The following DNAH10 variants were observed in gnomAD, a reference collection of about 807,000 sequenced individuals.
DNAH10 encodes the protein axonemal beta dynein heavy chain 10.
DNAH10 carries 348 observed loss-of-function variants against 506.6 expected under a neutral mutation model. The ratio of observed to expected loss-of-function variants is 0.69; its 90% CI spans 0.63 to 0.75. The LOEUF (loss-of-function observed/expected upper bound fraction) is 0.75. DNAH10 is among the 30% of genes least tolerant of loss of function. The probability of loss-of-function intolerance (pLI) is 0.00; values close to 1 mark genes in which losing one functional copy is unlikely to be tolerated. For missense variants in DNAH10, 5,179 were observed against 5,787.1 expected, an observed-to-expected ratio of 0.89 and a Z score of 3.41; for synonymous variants, 2,059 against 2,198.6, an observed-to-expected ratio of 0.94 and a Z score of 1.78.
intron 9 of DNAH10, 67 bp downstream of exon 9, chr12:123,786,003 C>T (rs1957837661): frequency 2.0e-6 from 3 of 1,480,114 alleles, no homozygotes; most frequent in African/African-American, 2.8e-5. Flanking sequence ...AGATCTTAAA[C>T]AGCTCTATTG....
Position 123,914,340 on chromosome 12 carries a change from A to G in DNAH10, c.10364A>G (p.Asp3455Gly), listed in dbSNP as rs1213947008. The G allele has an allele frequency of 1.9e-6, 3 of 1,612,656 alleles. No homozygotes were observed. The highest frequency in any genetic ancestry group is 2.2e-5 in the South Asian group (2 of 91,056). Residue 3455 changes from aspartate to glycine, a missense_variant, in exon 61 of 79, where the codon GAC becomes GGC. By Grantham distance (94) the Asp-to-Gly change is moderately conservative (BLOSUM62 -1). Coordinates refer to ENST00000673944, the MANE Select transcript of DNAH10 (RefSeq NM_001372106.1). ...TCCTCCCGTGCCAGGTGGCTGAACG[A>G]CCTGGATGAGCTGATGCACCGGCGC... is the stretch of plus-strand genomic sequence containing the variant. ...LGSENIRWLN[D>G]LDELMHRRVK...
rs1007787364 is a variant in DNAH10, at chr12:123,935,686, T to C, written c.*205T>C. On this transcript the variant is annotated 3_prime_UTR_variant, in exon 79 of 79. Coordinates refer to ENST00000673944, the MANE Select transcript of DNAH10 (RefSeq NM_001372106.1). Reference sequence around the variant, plus strand: ...AATACTACTTTTTAAAAGGAATTTATATAATCAAAAAGTAAATATTGGAGA... The same window carrying C: ...AATACTACTTTTTAAAAGGAATTTACATAATCAAAAAGTAAATATTGGAGA... The C allele has an allele frequency of 2.1e-6, 1 of 483,802 alleles. No homozygotes were observed. 30.0% of individuals were successfully genotyped at this position (483,802 alleles called of 1,614,324 possible).
chr12:123,853,373 C>T lies in DNAH10; in HGVS notation c.6438+21C>T. 1.2e-6 allele frequency: 2 copies of T among 1,604,656 alleles called. No individual in the cohort carries two copies. Among genetic ancestry groups the T allele is most frequent in the East Asian group, 2.2e-5 (1 of 44,666 alleles). On this transcript the variant is annotated intron_variant, in intron 36 of 78. Transcript: ENST00000673944. The surrounding 1 kb of genome is among the most constrained non-coding windows in gnomAD (Gnocchi z 4.7). ...GGGAGGTAGGGGCCACGTGCTGGAACATTCTCTGGTTTCAGCTGCTTCAGG... is the reference window on the plus strand; with the variant it reads ...GGGAGGTAGGGGCCACGTGCTGGAATATTCTCTGGTTTCAGCTGCTTCAGG...
rs572380310 is a variant in DNAH10 at position 123,843,831 on chromosome 12, G to A, written c.5361-1769G>A. On this transcript the variant is annotated intron_variant, in intron 30 of 78. Transcript: ENST00000673944. ...GACCTCAGGTGATCTGCCGGCCTCG[G>A]CCTCCCAAAGCGCTGGGATTACAGG... 7.9e-4 allele frequency among the ~76,000 whole-genome samples: 121 copies of A among 152,340 alleles called. 1 individual carries two copies. Among genetic ancestry groups the A allele is most frequent in the Non-Finnish European group, 2.8e-4 (19 of 68,032 alleles).
intron 8 of DNAH10, among the ~76,000 whole-genome samples, chr12:123,784,861 C>T (rs905183800): frequency 6.6e-6 from 1 of 152,198 alleles, no homozygotes; most frequent in Non-Finnish European, 1.5e-5. Context: ...GTCTCTTTCA[C>T]TCAGCACCAG....
At chr12:123,777,254 C>T (rs1957475625) in intron 5 of DNAH10, among the ~76,000 whole-genome samples, 1 of 152,052 alleles carries the variant, frequency 6.6e-6, no homozygotes, top group Non-Finnish European at 1.5e-5. Context: ...GGTGGAACAA[C>T]CAAGGGAGGG....
chr12:123,833,405 T>A, intron 27 of DNAH10, 58 bp downstream of exon 27: 3 of 1,347,070 alleles, frequency 2.2e-6, no homozygotes, highest in Non-Finnish European at 3.1e-6. Flanking sequence ...GTGGCTTTTA[T>A]ATGAGGATAT....
In DNAH10 at chr12:123,815,210, G is replaced by T. The variant is rs187492974; in HGVS notation, c.3780+1298G>T. Among the ~76,000 whole-genome samples the T allele has an allele frequency of 3.8e-4, 58 of 152,104 alleles. 1 individual carries two copies. The highest frequency in any genetic ancestry group is 1.3e-3 in the African/African-American group (54 of 41,494). On this transcript the variant is annotated intron_variant, in intron 21 of 78. Coordinates refer to ENST00000673944, the MANE Select transcript of DNAH10 (RefSeq NM_001372106.1). ...TTATTTAGGTCTTTAATGTCTCCCCGTAAAGATTTATAATTTTCCCCATAG... is the reference window on the plus strand; with the variant it reads ...TTATTTAGGTCTTTAATGTCTCCCCTTAAAGATTTATAATTTTCCCCATAG...
At chr12:123,776,114 A>AC (rs1957428225) in intron 5 of DNAH10, among the ~76,000 whole-genome samples, 1 of 152,102 alleles carries the variant, frequency 6.6e-6, no homozygotes, top group South Asian at 2.1e-4. Flanking sequence ...CTCTCCCATG[A>AC]CACGTGGGGA....
rs1188186006 is a variant in DNAH10, at chr12:123,830,529, TGC to T, written c.4392-16_4392-15del. 1.2e-6 allele frequency: 2 copies of T among 1,608,392 alleles called. No homozygotes were observed. Among genetic ancestry groups the T allele is most frequent in the Non-Finnish European group, 1.7e-6 (2 of 1,176,784 alleles). On this transcript the variant is annotated splice_polypyrimidine_tract_variant and intron_variant, in intron 25 of 78. Coordinates refer to ENST00000673944, the MANE Select transcript of DNAH10 (RefSeq NM_001372106.1). ...AATTCAGTAAGCATAAAGATTTGAA[TGC>T]TGATGTGCTTTCAGGCATTGGAAAG...
At position 123,818,895 on chromosome 12, in the gene DNAH10, A is replaced by G. The variant is rs1401692779; in HGVS notation, c.3781-55A>G. 4.7e-6 allele frequency: 6 copies of G among 1,270,212 alleles called. No homozygotes were observed. The East Asian group carries it at 1.3e-4, about 27-fold the overall frequency. The allele number at this position is 1,270,212 out of a possible 1,614,324, so 78.7% of individuals were successfully genotyped here. A position where few individuals can be genotyped will look rare whatever the true frequency, so the allele number is the denominator to read the frequency against. ...GAGGTAACTTTGACCATCAATTTCA[A>G]TTCCAAATTGCTCATCATTTGTTGT... On this transcript the variant is annotated intron_variant, in intron 21 of 78. Transcript: ENST00000673944.
chr12:123,812,225 G>A (rs1262884035), intron 19 of DNAH10, among the ~76,000 whole-genome samples: 1 of 152,090 alleles, frequency 6.6e-6, no homozygotes, highest in Non-Finnish European at 1.5e-5. Flanking sequence ...GCCGAGGTGG[G>A]CGGATCACGA....
rs751585798 is a variant in DNAH10 at position 123,929,729 on chromosome 12, G to T, written c.12582G>T (p.Pro4194=). 2 of 1,613,314 alleles carry T rather than the reference G, an allele frequency of 1.2e-6. No individual in the cohort carries two copies. Among genetic ancestry groups the T allele is most frequent in the Non-Finnish European group, 1.7e-6 (2 of 1,179,658 alleles). ...TCCAGCAACGGGACCCAAGGATCCC[G>T]TGGGGCAGCCTCAAGTACCTAATTG... The part of the protein sequence containing the change: ...KAFQQRDPRI[P]WGSLKYLIGE... The change falls in exon 72 of 79, where the codon CCG becomes CCT. Residue 4194 remains proline, a synonymous_variant. Coordinates refer to ENST00000673944, the MANE Select transcript of DNAH10 (RefSeq NM_001372106.1).
intron 5 of DNAH10, among the ~76,000 whole-genome samples, 184 bp downstream of exon 5, chr12:123,774,448 A>G (rs981130942): frequency 1.3e-5 from 2 of 152,192 alleles, no homozygotes; most frequent in Admixed American, 1.3e-4. Context: ...AAAGACACAC[A>G]CACAGAAATA....
Position 123,781,186 on chromosome 12 carries a change from C to G in DNAH10, c.728C>G (p.Pro243Arg), listed in dbSNP as rs1323039564. 1 of 1,614,056 alleles carries G rather than the reference C, an allele frequency of 6.2e-7. No homozygotes were observed. The highest frequency in any genetic ancestry group is 2.2e-5 in the East Asian group (1 of 44,876). ...TCTGAGCATGAATCAGACCTGCCGC[C>G]CATGCCTGGGGAGGCAGTAGAATAT... ...NSSEHESDLPPMPGEAVEYHS... is the reference protein window; with the variant it reads ...NSSEHESDLPRMPGEAVEYHS... The change falls in exon 6 of 79, where the codon CCC becomes CGC. Residue 243 changes from proline (P) to arginine (R), a missense_variant. Pro to Arg is a moderately radical substitution (Grantham distance 103). Coordinates refer to ENST00000673944, the MANE Select transcript of DNAH10 (RefSeq NM_001372106.1).
intron 52 of DNAH10, among the ~76,000 whole-genome samples, chr12:123,888,745 C>T (rs999897551): frequency 6.6e-6 from 1 of 152,180 alleles, no homozygotes; most frequent in African/African-American, 2.4e-5. Flanking sequence ...CCTACCTTAT[C>T]CAAGGGCACC....
intron 32 of DNAH10, among the ~76,000 whole-genome samples, chr12:123,847,194 G>C (rs1374698815): frequency 4.7e-5 from 6 of 127,444 alleles, no homozygotes; most frequent in Non-Finnish European, 7.1e-5. Context: ...ATCCATCCAT[G>C]TATCTATCCA....
At chr12:123,796,178 C>A (rs561452371) in intron 12 of DNAH10, among the ~76,000 whole-genome samples, 3 of 152,092 alleles carry the variant, frequency 2.0e-5, no homozygotes, top group African/African-American at 7.2e-5. Flanking sequence ...TTACTACAGC[C>A]GGGCTCGGTG....
chr12:123,931,621 G>GT lies in DNAH10; in HGVS notation c.12917-14dup, dbSNP rs759582639. 3.8e-5 allele frequency: 61 copies of GT among 1,612,684 alleles called. No homozygotes were observed. Among genetic ancestry groups the GT allele is most frequent in the Non-Finnish European group, 4.9e-5 (58 of 1,179,246 alleles). On this transcript the variant is annotated splice_polypyrimidine_tract_variant and intron_variant, in intron 74 of 78. Transcript: ENST00000673944. The stretch of plus-strand genomic sequence containing the variant: ...GTGGATGCCTTGCTTTCTCTGAAAA[G>GT]TGTCCTGGTTTTAGGGGAATCCAGC...
Sources: gnomAD v4.1 joint callset for allele counts (sites outside exome capture counted in the v4.1 genomes callset) on GRCh38, gnomAD v4.1.1 for gene constraint, Gnocchi (gnomAD v3.1) non-coding constraint, MANE v1.5 for transcripts, NCBI Gene and HGNC (gene_info 2026-07-23, HGNC 2026-07-21) for gene names.